KCTD19: variants seen among roughly 807,000 people sequenced by gnomAD.
The protein encoded by KCTD19 is potassium channel tetramerization domain containing 19.
In KCTD19, 67 loss-of-function variants were observed where a neutral mutation model predicts 103.5. The ratio of observed to expected loss-of-function variants is 0.65; its 90% CI spans 0.53 to 0.79. KCTD19 has a LOEUF of 0.79. Among genes scored for constraint, KCTD19 ranks in the 30% least tolerant of loss-of-function variants. KCTD19 has a pLI of 0.00. For missense variants in KCTD19, 980 were observed against 1,136.1 expected (o/e 0.86, Z 1.98); for synonymous variants, 439 against 452.2 (o/e 0.97, Z 0.37).
chr16:67,295,008 G>C lies in KCTD19; in HGVS notation c.1440C>G (p.Ser480=). ...CACATTGTGCAAGGGCTTCTGAGAG[G>C]GATGGAATGTGGTATTCCTCCACCT... ...CQEVEEYHIP[S]LSEALAQCEA... Residue 480 remains serine, a synonymous_variant, in exon 10 of 16, where the codon TCC becomes TCG. Coordinates refer to ENST00000304372, the MANE Select transcript of KCTD19 (RefSeq NM_001100915.3). The C allele has an allele frequency of 6.2e-7, 1 of 1,613,940 alleles. No homozygotes were observed. The highest frequency in any genetic ancestry group is 1.1e-5 in the South Asian group (1 of 91,068).
At chr16:67,302,279 G>A (rs1442461627) in intron 4 of KCTD19, 4 of 222,640 alleles carry the variant, frequency 1.8e-5, no homozygotes, top group Non-Finnish European at 2.7e-5. Flanking sequence ...TTAGAGAGGA[G>A]GGGCCCGGCC....
At chr16:67,315,042 GT>G (rs2036995269) in intron 2 of KCTD19, among the ~76,000 whole-genome samples, 2 of 151,692 alleles carry the variant, frequency 1.3e-5, no homozygotes, top group South Asian at 4.2e-4. Context: ...TTAATTTTTT[GT>G]AGAGTTGGAG....
intron 1 of KCTD19, among the ~76,000 whole-genome samples, chr16:67,324,853 A>G (rs928949452): frequency 2.6e-5 from 4 of 152,252 alleles, no homozygotes; most frequent in African/African-American, 9.6e-5. Flanking sequence ...ACAAATTGTG[A>G]AATGATTGCA....
At chr16:67,294,235 G>T in intron 11 of KCTD19, 64 bp from the exon 12 acceptor site, 1 of 1,480,366 alleles carries the variant, frequency 6.8e-7, no homozygotes, top group Non-Finnish European at 9.2e-7. Flanking sequence ...CCTTGCCCAA[G>T]ATCTAATAAG....
intron 6 of KCTD19, among the ~76,000 whole-genome samples, chr16:67,298,259 C>G (rs1297190601): frequency 1.3e-5 from 2 of 152,068 alleles, no homozygotes; most frequent in Non-Finnish European, 2.9e-5. Flanking sequence ...TCCCAAAGTG[C>G]TGGGATTACA....
At chr16:67,290,746 C>T (rs536481031) in intron 15 of KCTD19, 139 bp downstream of exon 15, 24 of 690,396 alleles carry the variant, frequency 3.5e-5, no homozygotes, top group Admixed American at 2.6e-4. Flanking sequence ...TGCAGTTTCT[C>T]CCTCCCTGGG....
At chr16:67,290,211 T>C (rs2036665866) in intron 15 of KCTD19, among the ~76,000 whole-genome samples, 1 of 123,998 alleles carries the variant, frequency 8.1e-6, no homozygotes. Flanking sequence ...GGAGTCTCGC[T>C]CTGTCACCCA....
chr16:67,290,806 C>G, intron 15 of KCTD19, 79 bp downstream of exon 15: 1 of 1,312,142 alleles, frequency 7.6e-7, no homozygotes, highest in Non-Finnish European at 1.1e-6. Context: ...GCTGGCCCAG[C>G]CCTGGTGCAG....
chr16:67,302,825 A>C, intron 4 of KCTD19: 1 of 348,682 alleles, frequency 2.9e-6, no homozygotes, highest in Non-Finnish European at 5.2e-6. Flanking sequence ...GCAGAGTAAG[A>C]AGAGAAGCCG....
intron 12 of KCTD19, among the ~76,000 whole-genome samples, chr16:67,292,972 G>C (rs775001378): frequency 1.3e-5 from 2 of 151,988 alleles, no homozygotes; most frequent in Non-Finnish European, 2.9e-5. Context: ...GCTTCCCCTA[G>C]CCTAGAAAGA....
At chr16:67,311,352 A>G (rs531152950) in intron 2 of KCTD19, among the ~76,000 whole-genome samples, 7 of 152,084 alleles carry the variant, frequency 4.6e-5, no homozygotes, top group African/African-American at 1.4e-4. Flanking sequence ...GCTAGAGTGC[A>G]GTGGCACAAT....
chr16:67,306,367 G>C (rs1008735974), intron 2 of KCTD19, among the ~76,000 whole-genome samples: 6 of 152,164 alleles, frequency 3.9e-5, no homozygotes, highest in African/African-American at 9.7e-5. Context: ...CTGGGTTCAA[G>C]TGATTCTCCT....
At chr16:67,302,134 G>A (rs1013462770) in intron 4 of KCTD19, 7 of 465,804 alleles carry the variant, frequency 1.5e-5, no homozygotes, top group Admixed American at 1.4e-4. Flanking sequence ...GTCTGAGGCC[G>A]TGGGTGTGGC....
At chr16:67,299,309 G>A in intron 6 of KCTD19, 54 bp downstream of exon 6, 1 of 1,535,832 alleles carries the variant, frequency 6.5e-7, no homozygotes, top group Non-Finnish European at 9.0e-7. Flanking sequence ...ATTCCTAGAG[G>A]GAAGGGCAGA....
At chr16:67,322,805 C>A (rs2037090183) in intron 1 of KCTD19, among the ~76,000 whole-genome samples, 1 of 152,080 alleles carries the variant, frequency 6.6e-6, no homozygotes. Flanking sequence ...ATTTGCAAAT[C>A]ATTTGTCTGA....
At chr16:67,325,348 G>A (rs1270904965) in intron 1 of KCTD19, among the ~76,000 whole-genome samples, 1 of 150,512 alleles carries the variant, frequency 6.6e-6, no homozygotes, top group African/African-American at 2.5e-5. Context: ...AAGTAGCTGG[G>A]ACTACAGGCG....
chr16:67,296,678 C>A (rs889817454), intron 7 of KCTD19, among the ~76,000 whole-genome samples: 3 of 152,160 alleles, frequency 2.0e-5, no homozygotes, highest in Non-Finnish European at 1.5e-5. Context: ...AAATCCCTGT[C>A]ACTTTTATGA....
At chr16:67,322,607 A>G (rs2142526934) in intron 1 of KCTD19, among the ~76,000 whole-genome samples, 1 of 152,334 alleles carries the variant, frequency 6.6e-6, no homozygotes, top group East Asian at 1.9e-4. Context: ...CTAAAACCAT[A>G]AAATCTTTAG....
At chr16:67,295,241 A>C in intron 9 of KCTD19, 22 bp downstream of exon 9, 1 of 1,612,614 alleles carries the variant, frequency 6.2e-7, no homozygotes. Context: ...ATTTCATCTT[A>C]CTGCGTCCTT....
Sources: allele counts gnomAD v4.1 joint callset (sites outside exome capture counted in the v4.1 genomes callset), GRCh38; gene constraint gnomAD v4.1.1; transcripts MANE v1.5; gene names NCBI Gene and HGNC (gene_info 2026-07-23, HGNC 2026-07-21).